Variants in HYDIN observed in about 807,000 individuals in gnomAD.
The protein encoded by HYDIN is HYDIN axonemal central pair apparatus protein.
HYDIN carries 132 observed loss-of-function variants against 403.9 expected under a neutral mutation model. The observed-to-expected ratio is 0.33, with a 90% CI of 0.28 to 0.38. The LOEUF (loss-of-function observed/expected upper bound fraction) is 0.38, where lower values mean the gene tolerates loss of function less well. HYDIN is among the 10% of genes least tolerant of loss of function. HYDIN has a pLI of 1.00. For missense variants in HYDIN, 2,827 were observed against 5,009.5 expected (o/e 0.56, Z 13.15); for synonymous variants, 1,202 against 1,891.7 (o/e 0.64, Z 9.46).
intron 15 of HYDIN, among the ~76,000 whole-genome samples, chr16:71,066,167 G>GA (rs894341326): frequency 1.3e-5 from 2 of 151,520 alleles, no homozygotes; most frequent in African/African-American, 4.9e-5. Context: ...AAAGGGGCTA[G>GA]AAAGTATCTG....
intron 78 of HYDIN, among the ~76,000 whole-genome samples, chr16:70,834,937 T>C (rs569624583): frequency 5.4e-5 from 8 of 147,612 alleles, no homozygotes; most frequent in East Asian, 3.9e-4. Context: ...TATGTATATA[T>C]ACACACATAT....
chr16:71,093,084 G>A (rs1179569379), intron 11 of HYDIN, among the ~76,000 whole-genome samples: 1 of 150,352 alleles, frequency 6.7e-6, no homozygotes, highest in Non-Finnish European at 1.5e-5. Context: ...ATCTGAATCT[G>A]GCACCTATTT....
At chr16:71,027,504 C>T in intron 20 of HYDIN, 98 bp downstream of exon 20, 5 of 1,540,970 alleles carry the variant, frequency 3.2e-6, no homozygotes, top group Non-Finnish European at 4.4e-6. Flanking sequence ...AAACCATATC[C>T]TTCCTCAGAT....
chr16:70,991,479 C>T, intron 24 of HYDIN, 83 bp from the exon 25 acceptor site: 1 of 1,570,400 alleles, frequency 6.4e-7, no homozygotes, highest in Admixed American at 1.8e-5. Flanking sequence ...GCCCTGTCTT[C>T]CTCTTCTCCC....
intron 1 of HYDIN, among the ~76,000 whole-genome samples, chr16:71,218,309 T>A (rs1027785075): frequency 6.6e-6 from 1 of 152,170 alleles, no homozygotes; most frequent in African/African-American, 2.4e-5. Context: ...AACCCATGTT[T>A]GGAAGTCCTC....
chr16:70,805,217 G>A lies in HYDIN; in HGVS notation c.*2363C>T, dbSNP rs2035058420. Among the ~76,000 whole-genome samples the A allele has an allele frequency of 6.6e-6, 1 of 152,196 alleles. No homozygotes were observed. The highest frequency in any genetic ancestry group is 2.4e-5 in the African/African-American group (1 of 41,444). Reference sequence around the variant, plus strand: ...TGTAATGAAAGAGTTATGGCTGTGGGTTTGGCAAATGTCAAGTTTTGCCAG... The same window carrying A: ...TGTAATGAAAGAGTTATGGCTGTGGATTTGGCAAATGTCAAGTTTTGCCAG... On this transcript the variant is annotated 3_prime_UTR_variant, in exon 86 of 86. Transcript: ENST00000393567.
At chr16:70,927,768 C>A (rs184674961) in intron 45 of HYDIN, among the ~76,000 whole-genome samples, 1 of 152,242 alleles carries the variant, frequency 6.6e-6, no homozygotes. Context: ...TGCCGACAGC[C>A]GACATCTCAA....
chr16:71,179,056 G>C lies in HYDIN; in HGVS notation c.262-9C>G. 1 of 1,605,070 alleles carries C rather than the reference G, an allele frequency of 6.2e-7. No individual in the cohort carries two copies. Among genetic ancestry groups the C allele is most frequent in the Non-Finnish European group, 8.5e-7 (1 of 1,175,106 alleles). ...AGGTCAATTCCTGAAAACTTCAGTT[G>C]AAAGAGTAAATTATTGTTATAGTCA... On this transcript the variant is annotated splice_polypyrimidine_tract_variant and intron_variant, in intron 3 of 85. Coordinates refer to ENST00000393567, the MANE Select transcript of HYDIN (RefSeq NM_001270974.2).
chr16:70,900,169 C>T (rs979370071), intron 53 of HYDIN, among the ~76,000 whole-genome samples: 5 of 151,844 alleles, frequency 3.3e-5, no homozygotes, highest in Admixed American at 6.6e-5. Context: ...GTGGCAACAG[C>T]GAGGAGAAAG....
chr16:70,869,803 T>C (rs1379020785), intron 65 of HYDIN, among the ~76,000 whole-genome samples: 4 of 152,026 alleles, frequency 2.6e-5, no homozygotes, highest in African/African-American at 9.7e-5. Context: ...TAAAGATACC[T>C]GAAAATGTGG....
intron 18 of HYDIN, among the ~76,000 whole-genome samples, chr16:71,035,956 T>A (rs113524968): frequency 0.062 from 9,312 of 149,654 alleles, 334 homozygotes; most frequent in Middle Eastern, 0.14. Context: ...TGGCCAGAAC[T>A]GAGTCAATGC....
At chr16:71,230,193 C>G (rs576039332) in intron 1 of HYDIN, among the ~76,000 whole-genome samples, 2 of 152,296 alleles carry the variant, frequency 1.3e-5, no homozygotes, top group South Asian at 4.1e-4. Context: ...CAGTACAGAA[C>G]TTTATATTTT....
At chr16:70,840,929 C>G (rs1159978184) in intron 75 of HYDIN, among the ~76,000 whole-genome samples, 1 of 152,128 alleles carries the variant, frequency 6.6e-6, no homozygotes, top group South Asian at 2.1e-4. Flanking sequence ...TTGCTCTTCA[C>G]AAACTCCTCA....
Position 70,807,066 on chromosome 16 carries a change from G to A in HYDIN, c.*514C>T, listed in dbSNP as rs1264505772. The stretch of plus-strand genomic sequence containing the variant: ...AGCCAAGAGAAAAAGTGATGGGAGT[G>A]TCCCTGGATTGCCCTAATGTTATCT... On this transcript the variant is annotated 3_prime_UTR_variant, in exon 86 of 86. Coordinates refer to ENST00000393567, the MANE Select transcript of HYDIN (RefSeq NM_001270974.2). 6.6e-6 allele frequency among the ~76,000 whole-genome samples: 1 copy of A among 152,148 alleles called. No homozygotes were observed. Among genetic ancestry groups the A allele is most frequent in the Non-Finnish European group, 1.5e-5 (1 of 68,018 alleles).
intron 5 of HYDIN, among the ~76,000 whole-genome samples, 166 bp downstream of exon 5, chr16:71,175,438 TACC>T (rs1231756306): frequency 6.7e-6 from 1 of 150,358 alleles, no homozygotes; most frequent in Non-Finnish European, 1.5e-5. Context: ...CCTCCAGCAC[TACC>T]ACCAATACCA....
chr16:70,869,935 A>T (rs2039996628), intron 65 of HYDIN, among the ~76,000 whole-genome samples: 1 of 149,316 alleles, frequency 6.7e-6, no homozygotes, highest in South Asian at 2.1e-4. Context: ...TTTGACCAAA[A>T]TGCTGATGAT....
At chr16:70,945,008 C>T (rs1263133679) in intron 41 of HYDIN, among the ~76,000 whole-genome samples, 1 of 152,224 alleles carries the variant, frequency 6.6e-6, no homozygotes, top group Non-Finnish European at 1.5e-5. Flanking sequence ...CTGCCTCGGC[C>T]TCCCAAAGTG....
chr16:71,214,007 G>C (rs1476062805), intron 1 of HYDIN, among the ~76,000 whole-genome samples: 27 of 151,986 alleles, frequency 1.8e-4, no homozygotes, highest in Non-Finnish European at 2.8e-4. Context: ...CAGATAATAT[G>C]AATATATAAC....
At chr16:71,188,454 A>G (rs2087261996) in intron 1 of HYDIN, among the ~76,000 whole-genome samples, 1 of 152,240 alleles carries the variant, frequency 6.6e-6, no homozygotes, top group Non-Finnish European at 1.5e-5. Context: ...CAACAACAGA[A>G]GCAATAAAAA....
Sources: gnomAD v4.1 joint callset for allele counts (sites outside exome capture counted in the v4.1 genomes callset) on GRCh38, gnomAD v4.1.1 for gene constraint, MANE v1.5 for transcripts, NCBI Gene and HGNC (gene_info 2026-07-23, HGNC 2026-07-21) for gene names.